The following OPRM1 variants were observed in gnomAD, a reference collection of about 807,000 sequenced individuals.
The protein encoded by OPRM1 is opioid receptor mu 1, also known as mu-type opioid receptor.
In OPRM1, 27 loss-of-function variants were observed where a neutral mutation model predicts 31.8. The ratio of observed to expected loss-of-function variants is 0.85; its 90% confidence interval spans 0.63 to 1.17. The LOEUF is 1.17. OPRM1 is among the 50% of genes most tolerant of loss of function. The probability of loss-of-function intolerance (pLI) is 0.00; values close to 1 mark genes in which losing one functional copy is unlikely to be tolerated. For missense variants in OPRM1, 536 were observed against 511.1 expected (o/e 1.05, Z -0.47); for synonymous variants, 196 against 189.9 (o/e 1.03, Z -0.26).
chr6:154,190,099 CT>C (rs1370681316), intron 3 of OPRM1, among the ~76,000 whole-genome samples: 3 of 152,130 alleles, frequency 2.0e-5, no homozygotes, highest in African/African-American at 7.2e-5. Flanking sequence ...ACTTCCTATA[CT>C]TATATTGACT....
intron 3 of OPRM1, among the ~76,000 whole-genome samples, chr6:154,109,689 G>A (rs1796100778): frequency 6.6e-6 from 1 of 152,012 alleles, no homozygotes; most frequent in Admixed American, 6.6e-5. Flanking sequence ...TAGGAAATGT[G>A]GCCTACCTTA....
chr6:154,233,143 A>G (rs1041642004), intron 3 of OPRM1, among the ~76,000 whole-genome samples: 6 of 151,994 alleles, frequency 3.9e-5, no homozygotes, highest in African/African-American at 1.5e-4. Flanking sequence ...TAATTTTTGT[A>G]TTTTTAATAG....
At chr6:154,057,696 G>A (rs981033111) in intron 1 of OPRM1, among the ~76,000 whole-genome samples, 1 of 152,174 alleles carries the variant, frequency 6.6e-6, no homozygotes, top group Non-Finnish European at 1.5e-5. Context: ...TTTACAAATA[G>A]TAAGGATATC....
chr6:154,023,802 A>G (rs1365197848), intron 1 of OPRM1, among the ~76,000 whole-genome samples: 1 of 152,144 alleles, frequency 6.6e-6, no homozygotes, highest in African/African-American at 2.4e-5. Flanking sequence ...ATCAATTGAT[A>G]TGATCATATG....
intron 3 of OPRM1, among the ~76,000 whole-genome samples, chr6:154,094,621 C>T (rs1014607168): frequency 3.3e-5 from 5 of 152,246 alleles, no homozygotes; most frequent in Non-Finnish European, 5.9e-5. Flanking sequence ...GGACTCTTAC[C>T]GTCTAGCATG....
chr6:154,116,734 T>C (rs1796924744), intron 3 of OPRM1, among the ~76,000 whole-genome samples: 1 of 152,168 alleles, frequency 6.6e-6, no homozygotes, highest in Non-Finnish European at 1.5e-5. Context: ...TTTTAAAGTA[T>C]AAGGTCCCAC....
At chr6:154,077,540 G>A (rs1788128864) in intron 1 of OPRM1, among the ~76,000 whole-genome samples, 1 of 151,640 alleles carries the variant, frequency 6.6e-6, no homozygotes, top group Non-Finnish European at 1.5e-5. Context: ...AGACCAGCCT[G>A]GCCAACATGC....
intron 3 of OPRM1, chr6:154,223,103 C>T: frequency 8.1e-7 from 1 of 1,235,142 alleles, no homozygotes; most frequent in Middle Eastern, 1.9e-4. Context: ...CACCATATCC[C>T]TTGGTGAACA....
intron 3 of OPRM1, among the ~76,000 whole-genome samples, chr6:154,239,206 G>T (rs564062517): frequency 1.3e-5 from 2 of 152,168 alleles, no homozygotes; most frequent in East Asian, 3.9e-4. Flanking sequence ...AATAATATTG[G>T]CAACATGAGC....
chr6:154,226,982 A>G (rs1779302610), intron 3 of OPRM1, among the ~76,000 whole-genome samples: 1 of 152,078 alleles, frequency 6.6e-6, no homozygotes, highest in Non-Finnish European at 1.5e-5. Flanking sequence ...GGATCACCTG[A>G]GGTTAGGAGT....
chr6:154,202,819 C>A (rs1777177717), intron 3 of OPRM1, among the ~76,000 whole-genome samples: 1 of 151,596 alleles, frequency 6.6e-6, no homozygotes, highest in African/African-American at 2.4e-5. Flanking sequence ...CCAGGCACCA[C>A]TTATAAATTT....
chr6:154,140,475 C>A (rs1157608118), intron 3 of OPRM1, among the ~76,000 whole-genome samples: 1 of 152,152 alleles, frequency 6.6e-6, no homozygotes, highest in Admixed American at 6.5e-5. Context: ...GCATTACAGG[C>A]GTGTGCCACC....
intron 3 of OPRM1, among the ~76,000 whole-genome samples, chr6:154,203,446 T>C (rs897112741): frequency 9.2e-5 from 14 of 152,180 alleles, no homozygotes; most frequent in Admixed American, 2.6e-4. Flanking sequence ...TAAACACAGA[T>C]ATTTTCCAAT....
rs1322927779 is a variant in OPRM1, at chr6:154,168,117, T to C, written c.1164+76645T>C. On this transcript the variant is annotated intron_variant, in intron 3 of 3. Transcript: ENST00000337049. The surrounding 1 kb of genome is among the most constrained non-coding windows in gnomAD (Gnocchi z 4.1). ...TCTTCAGACACTTTTGTCTCTTCTA[T>C]TTGAAAAAAAAAAAGAAAGCAGTAA... 6.6e-7 allele frequency: 1 copy of C among 1,522,640 alleles called. No individual in the cohort carries two copies. The highest frequency in any genetic ancestry group is 8.9e-7 in the Non-Finnish European group (1 of 1,127,826). 94.3% of individuals were successfully genotyped at this position (1,522,640 alleles called of 1,614,324 possible).
At chr6:154,140,675 T>C (rs1798181374) in intron 3 of OPRM1, among the ~76,000 whole-genome samples, 1 of 152,000 alleles carries the variant, frequency 6.6e-6, no homozygotes, top group African/African-American at 2.4e-5. Flanking sequence ...AAGAATCATA[T>C]GCAGCTCCAG....
upstream of OPRM1, chr6:154,039,022 A>G (rs756879162): frequency 1.5e-4 from 150 of 995,266 alleles, no homozygotes; most frequent in Non-Finnish European, 1.9e-4. Context: ...TCATCAAGCC[A>G]ATGTATTCCC....
chr6:154,210,708 A>C (rs1394435427), intron 3 of OPRM1, among the ~76,000 whole-genome samples: 1 of 152,230 alleles, frequency 6.6e-6, no homozygotes, highest in African/African-American at 2.4e-5. Context: ...GAAGCTATGA[A>C]TATAGTAAGA....
rs1797346038 is a variant in OPRM1, at chr6:154,122,213, G to T, written c.*3492G>T. Among the ~76,000 whole-genome samples the T allele has an allele frequency of 6.6e-6, 1 of 152,174 alleles. No individual in the cohort carries two copies. Among genetic ancestry groups the T allele is most frequent in the African/African-American group, 2.4e-5 (1 of 41,442 alleles). ...GTCAATCAGAACCAAAAAATCTGTT[G>T]CTGGAAGAAATATTATCCTCTTCAT... On this transcript the variant is annotated 3_prime_UTR_variant, in exon 4 of 4. Coordinates refer to ENST00000330432, the MANE Select transcript of OPRM1 (RefSeq NM_000914.5).
chr6:154,122,438 T>C lies in OPRM1; in HGVS notation c.*3717T>C, dbSNP rs1797358842. On this transcript the variant is annotated 3_prime_UTR_variant, in exon 4 of 4. Coordinates refer to ENST00000330432, the MANE Select transcript of OPRM1 (RefSeq NM_000914.5). Reference sequence around the variant, plus strand: ...CCACTGTGTTTCCCCCAGTTTGATATGGTTCAGGATACATAGTCATAGAAC... The same window carrying C: ...CCACTGTGTTTCCCCCAGTTTGATACGGTTCAGGATACATAGTCATAGAAC... Among the ~76,000 whole-genome samples, 1 of 152,162 alleles carries C rather than the reference T, an allele frequency of 6.6e-6. No individual in the cohort carries two copies. Among genetic ancestry groups the C allele is most frequent in the African/African-American group, 2.4e-5 (1 of 41,436 alleles).
Sources: gnomAD v4.1 joint callset for allele counts (sites outside exome capture counted in the v4.1 genomes callset) on GRCh38, gnomAD v4.1.1 for gene constraint, Gnocchi (gnomAD v3.1) non-coding constraint, MANE v1.5 for transcripts, NCBI Gene and HGNC (gene_info 2026-07-23, HGNC 2026-07-21) for gene names.